NRDE2: variants seen among roughly 807,000 people sequenced by gnomAD.
The protein encoded by NRDE2 is nuclear exosome regulator NRDE2.
NRDE2 carries 76 observed loss-of-function variants against 124.2 expected under a neutral mutation model. That is an observed-to-expected ratio of 0.61 (90% CI 0.51 to 0.74). NRDE2 has a LOEUF of 0.74. NRDE2 is among the 30% of genes least tolerant of loss of function. The probability of loss-of-function intolerance (pLI) is 0.00; values close to 1 mark genes in which losing one functional copy is unlikely to be tolerated. For missense variants in NRDE2, 1,314 were observed against 1,417.3 expected, an observed-to-expected ratio of 0.93 and a Z score of 1.17; for synonymous variants, 489 against 528.1, an observed-to-expected ratio of 0.93 and a Z score of 1.01.
intron 1 of NRDE2, among the ~76,000 whole-genome samples, chr14:90,325,291 A>C (rs535893917): frequency 7.4e-4 from 113 of 152,288 alleles, no homozygotes; most frequent in African/African-American, 2.6e-3. Flanking sequence ...CTTCCATTCC[A>C]AATCTGTCAA....
chr14:90,328,460 A>G (rs994456113), intron 1 of NRDE2, among the ~76,000 whole-genome samples: 1 of 152,214 alleles, frequency 6.6e-6, no homozygotes, highest in Non-Finnish European at 1.5e-5. Flanking sequence ...TGCAACCTCA[A>G]TGAAATAATA....
At position 90,308,081 on chromosome 14, in the gene NRDE2, T is replaced by C. The variant is rs532719916; in HGVS notation, c.558-3699A>G. The stretch of plus-strand genomic sequence containing the variant: ...TTACATAAGTCCTTAGAAGAGTGTC[T>C]GCCATATAGTAAGGGTTAGATAAGT... On this transcript the variant is annotated intron_variant, in intron 4 of 13. Transcript: ENST00000354366. Among the ~76,000 whole-genome samples, 10 of 152,342 alleles carry C rather than the reference T, an allele frequency of 6.6e-5. No individual in the cohort carries two copies. The South Asian group carries it at 2.1e-3, about 32-fold the overall frequency.
rs1891779759 is a variant in NRDE2, at chr14:90,275,307, G to A, written c.*3029C>T. On this transcript the variant is annotated 3_prime_UTR_variant, in exon 14 of 14. Transcript: ENST00000354366. The stretch of plus-strand genomic sequence containing the variant: ...CGTCCATGCTGACTTCCTGTTCAGT[G>A]TCTGTATCGTGGGCGGGTAGCAGAC... 1 of 152,128 alleles carries A rather than the reference G, an allele frequency of 6.6e-6. No homozygotes were observed. The highest frequency in any genetic ancestry group is 2.4e-5 in the African/African-American group (1 of 41,430). 9.4% of individuals were successfully genotyped at this position (152,128 alleles called of 1,614,324 possible).
rs776638498 is a variant in NRDE2, at chr14:90,318,138, T to A, written c.65-25A>T. 2.6e-6 allele frequency: 4 copies of A among 1,546,626 alleles called. No individual in the cohort carries two copies. The Admixed American group carries it at 5.2e-5, about 20-fold the overall frequency. On this transcript the variant is annotated intron_variant, in intron 1 of 13. Coordinates refer to ENST00000354366, the MANE Select transcript of NRDE2 (RefSeq NM_017970.4). ...TCTGCACAGGCAAAAGGAGAAAAGATCAATGAAATTAGTTCAATATGATTC... is the reference window on the plus strand; with the variant it reads ...TCTGCACAGGCAAAAGGAGAAAAGAACAATGAAATTAGTTCAATATGATTC...
At chr14:90,314,286 A>G (rs1256293214) in intron 3 of NRDE2, among the ~76,000 whole-genome samples, 1 of 152,246 alleles carries the variant, frequency 6.6e-6, no homozygotes, top group East Asian at 1.9e-4. Flanking sequence ...CTGACATCAC[A>G]GAAAGACTCT....
intron 1 of NRDE2, among the ~76,000 whole-genome samples, chr14:90,329,731 G>A (rs921498514): frequency 4.6e-5 from 7 of 151,200 alleles, no homozygotes; most frequent in Non-Finnish European, 8.8e-5. Flanking sequence ...CAAGCTACTC[G>A]GGAGACTGAG....
In NRDE2 at chr14:90,302,815, C is replaced by T; in HGVS notation, c.1316G>A (p.Ser439Asn). The T allele has an allele frequency of 6.2e-7, 1 of 1,614,138 alleles. No homozygotes were observed. Among genetic ancestry groups the T allele is most frequent in the Non-Finnish European group, 8.5e-7 (1 of 1,180,042 alleles). ...FSTFSISKIH[S>N]LYGKCLSTLS... ...AGTGCTCAAGCATTTTCCATAAAGA[C>T]TGTGAATTTTTGATATCGAAAAGGT... Residue 439 changes from serine (S) to asparagine (N), a missense_variant, in exon 6 of 14, where the codon AGT becomes AAT. Transcript: ENST00000354366.
chr14:90,314,150 G>C (rs1484731326), intron 3 of NRDE2, among the ~76,000 whole-genome samples: 1 of 152,194 alleles, frequency 6.6e-6, no homozygotes, highest in Admixed American at 6.5e-5. Flanking sequence ...GCCTCCACCT[G>C]AAGGTGAGGG....
At chr14:90,298,806 G>A (rs1356523087) in intron 7 of NRDE2, among the ~76,000 whole-genome samples, 1 of 152,166 alleles carries the variant, frequency 6.6e-6, no homozygotes, top group Non-Finnish European at 1.5e-5. Context: ...CAGTGGCACT[G>A]CCAGTTCACC....
Position 90,268,470 on chromosome 14 carries a change from C to T in NRDE2, c.*9866G>A. 6.5e-7 allele frequency: 1 copy of T among 1,545,268 alleles called. No homozygotes were observed. Among genetic ancestry groups the T allele is most frequent in the Non-Finnish European group, 8.9e-7 (1 of 1,126,444 alleles). On this transcript the variant is annotated 3_prime_UTR_variant, in exon 14 of 14. Transcript: ENST00000354366. Reference sequence around the variant, plus strand: ...TAGTAGGGAACACCGCATAGCTCTTCTCTTGAGAATGAGCAATCTCAGGGG... The same window carrying T: ...TAGTAGGGAACACCGCATAGCTCTTTTCTTGAGAATGAGCAATCTCAGGGG...
Position 90,268,491 on chromosome 14 carries a change from AG to A in NRDE2, c.*9844del. The stretch of plus-strand genomic sequence containing the variant: ...TCTTCTCTTGAGAATGAGCAATCTC[AG>A]GGGGCTCTCCCTATGGCCACAGTTC... On this transcript the variant is annotated 3_prime_UTR_variant, in exon 14 of 14. Transcript: ENST00000354366. 1.4e-6 allele frequency: 2 copies of A among 1,396,072 alleles called. No individual in the cohort carries two copies. The highest frequency in any genetic ancestry group is 2.0e-6 in the Non-Finnish European group (2 of 1,000,046). 86.5% of individuals were successfully genotyped at this position (1,396,072 alleles called of 1,614,324 possible).
At chr14:90,279,442 C>T (rs1891894043) in intron 12 of NRDE2, 1 of 282,574 alleles carries the variant, frequency 3.5e-6, no homozygotes, top group East Asian at 7.1e-5. Context: ...GTGTTAGTAA[C>T]AGTGCTTGAA....
intron 5 of NRDE2, among the ~76,000 whole-genome samples, chr14:90,303,384 G>C (rs182844244): frequency 6.6e-6 from 1 of 152,282 alleles, no homozygotes; most frequent in African/African-American, 2.4e-5. Flanking sequence ...ACAATGCCTT[G>C]AAAGTCTTTT....
chr14:90,316,701 T>C lies in NRDE2; in HGVS notation c.284A>G (p.His95Arg), dbSNP rs1285185284. The change falls in exon 3 of 14, where the codon CAT becomes CGT. Residue 95 changes from histidine (H) to arginine (R), a missense_variant. By Grantham distance (29) the His-to-Arg change is conservative (BLOSUM62 0). Transcript: ENST00000354366. ...CCCATGCTTCCTCTTTGTTTTCTTA[T>C]GATGCTGATGCTTCCTTTTTTTCTT... ...EKKKKRKHQH[H>R]KKTKRKHGPS... The C allele has an allele frequency of 3.7e-6, 6 of 1,614,040 alleles. No individual in the cohort carries two copies. Among genetic ancestry groups the C allele is most frequent in the Admixed American group, 1.7e-5 (1 of 60,014 alleles).
intron 3 of NRDE2, among the ~76,000 whole-genome samples, chr14:90,315,152 G>T (rs2139704407): frequency 7.8e-6 from 1 of 127,596 alleles, no homozygotes; most frequent in South Asian, 2.6e-4. Context: ...ACTCCAGCCT[G>T]GCCGACAGAG....
At position 90,278,217 on chromosome 14, in the gene NRDE2, C is replaced by T. The variant is rs115701639; in HGVS notation, c.*119G>A. On this transcript the variant is annotated 3_prime_UTR_variant, in exon 14 of 14. Coordinates refer to ENST00000354366, the MANE Select transcript of NRDE2 (RefSeq NM_017970.4). ...GGCTGGCAGCCCACATTATTACTAT[C>T]GAGAAAGAACATTTCAAAAGCCGAG... is the stretch of plus-strand genomic sequence containing the variant. 1.1e-5 allele frequency: 14 copies of T among 1,232,882 alleles called. No individual in the cohort carries two copies. Among genetic ancestry groups the T allele is most frequent in the Middle Eastern group, 2.4e-4 (1 of 4,116 alleles). 76.4% of individuals were successfully genotyped at this position (1,232,882 alleles called of 1,614,324 possible). A position where few individuals can be genotyped will look rare whatever the true frequency, so the allele number is the denominator to read the frequency against.
rs778106117 is a variant in NRDE2, at chr14:90,277,933, A to G, written c.*403T>C. 96 of 168,982 alleles carry G rather than the reference A, an allele frequency of 5.7e-4. No homozygotes were observed. The highest frequency in any genetic ancestry group is 6.1e-3 in the Middle Eastern group (2 of 328). 10.5% of individuals were successfully genotyped at this position (168,982 alleles called of 1,614,324 possible). A position where few individuals can be genotyped will look rare whatever the true frequency, so the allele number is the denominator to read the frequency against. ...GGGGAAGACATCCTAGTGCTGAAAA[A>G]CCAGACCTTTATCTCAGAGAGGGCC... On this transcript the variant is annotated 3_prime_UTR_variant, in exon 14 of 14. Coordinates refer to ENST00000354366, the MANE Select transcript of NRDE2 (RefSeq NM_017970.4).
At position 90,270,131 on chromosome 14, in the gene NRDE2, G is replaced by A. The variant is rs1450491740; in HGVS notation, c.*8205C>T. On this transcript the variant is annotated 3_prime_UTR_variant, in exon 14 of 14. Transcript: ENST00000354366. ...TTCGTATGTAAGGAGATGGGCTGAG[G>A]CCTCTGAGCCATGGCCGAGCCTGGG... 4 of 1,552,148 alleles carry A rather than the reference G, an allele frequency of 2.6e-6. 1 individual carries two copies. Among genetic ancestry groups the A allele is most frequent in the South Asian group, 2.4e-5 (2 of 84,324 alleles).
chr14:90,287,809 TGA>T (rs1892148669), intron 11 of NRDE2, among the ~76,000 whole-genome samples: 1 of 152,036 alleles, frequency 6.6e-6, no homozygotes, highest in African/African-American at 2.4e-5. Flanking sequence ...GAGGGAGCTA[TGA>T]GAGGGGAAGT....
Sources: gnomAD v4.1 joint callset for allele counts (sites outside exome capture counted in the v4.1 genomes callset) on GRCh38, gnomAD v4.1.1 for gene constraint, MANE v1.5 for transcripts, NCBI Gene and HGNC (gene_info 2026-07-23, HGNC 2026-07-21) for gene names.